Variants in GRID2 observed in about 807,000 individuals in gnomAD.
GRID2 encodes glutamate receptor ionotropic, delta-2.
GRID2 carries 33 observed loss-of-function variants against 114.8 expected under a neutral mutation model. The ratio of observed to expected loss-of-function variants is 0.29; its 90% CI spans 0.22 to 0.38. The LOEUF is 0.38. Ranked by LOEUF, GRID2 falls within the 10% of genes least tolerant of loss-of-function variation. The pLI is 1.00. For synonymous variants in GRID2, 505 were observed against 449.9 expected, an observed-to-expected ratio of 1.12 and a Z score of -1.55; for missense variants, 1,184 against 1,257.7, an observed-to-expected ratio of 0.94 and a Z score of 0.89.
At chr4:93,060,552 A>T (rs1727685189) in intron 2 of GRID2, among the ~76,000 whole-genome samples, 1 of 152,180 alleles carries the variant, frequency 6.6e-6, no homozygotes, top group Non-Finnish European at 1.5e-5. Flanking sequence ...ATTTATGTTA[A>T]CTTGATGATA....
At chr4:92,627,520 A>G (rs937010517) in intron 2 of GRID2, among the ~76,000 whole-genome samples, 2 of 152,118 alleles carry the variant, frequency 1.3e-5, no homozygotes, top group East Asian at 1.9e-4. Context: ...TACATTCTCT[A>G]TAGCCAATTG....
At chr4:92,474,715 T>A (rs1041577951) in intron 1 of GRID2, among the ~76,000 whole-genome samples, 2 of 152,042 alleles carry the variant, frequency 1.3e-5, no homozygotes, top group Admixed American at 6.6e-5. Flanking sequence ...TGAAGTGATA[T>A]CTCATTGTAG....
chr4:93,578,996 G>T (rs1290473064), intron 13 of GRID2, among the ~76,000 whole-genome samples: 1 of 152,126 alleles, frequency 6.6e-6, no homozygotes, highest in African/African-American at 2.4e-5. Flanking sequence ...CTTCGTAGGA[G>T]CATTTCTGGA....
In GRID2 at chr4:93,774,422, T is replaced by G; in HGVS notation, c.*1924T>G. On this transcript the variant is annotated 3_prime_UTR_variant, in exon 16 of 16. Coordinates refer to ENST00000282020, the MANE Select transcript of GRID2 (RefSeq NM_001510.4). ...ACAAACTGTTAACCATGTACAATAT[T>G]TAAAATAGGCTTATTTTGATGTATC... 1 of 152,256 alleles carries G rather than the reference T, an allele frequency of 6.6e-6. No homozygotes were observed. Among genetic ancestry groups the G allele is most frequent in the Middle Eastern group, 3.4e-3 (1 of 294 alleles). 9.4% of individuals were successfully genotyped at this position (152,256 alleles called of 1,614,324 possible).
chr4:93,108,000 T>C (rs1732412704), intron 3 of GRID2, among the ~76,000 whole-genome samples: 1 of 152,202 alleles, frequency 6.6e-6, no homozygotes. Context: ...CAGCTTCATG[T>C]CTCACTAGCT....
intron 8 of GRID2, among the ~76,000 whole-genome samples, chr4:93,328,408 CT>C: frequency 6.6e-6 from 1 of 152,192 alleles, no homozygotes; most frequent in Non-Finnish European, 1.5e-5. Context: ...TTCCCCAGTT[CT>C]TTGATTTTCC....
intron 2 of GRID2, among the ~76,000 whole-genome samples, chr4:92,902,003 GT>G (rs1311013209): frequency 1.3e-5 from 2 of 151,900 alleles, no homozygotes; most frequent in African/African-American, 4.8e-5. Flanking sequence ...CCTGGGCTTT[GT>G]TTGTTTGTTT....
intron 2 of GRID2, among the ~76,000 whole-genome samples, chr4:92,609,609 C>T (rs1729625746): frequency 1.3e-5 from 2 of 149,550 alleles, no homozygotes; most frequent in South Asian, 4.2e-4. Context: ...ACAACAGTTA[C>T]TGGAAATAAT....
chr4:92,331,616 A>G (rs1726893018), intron 1 of GRID2, among the ~76,000 whole-genome samples: 2 of 152,224 alleles, frequency 1.3e-5, no homozygotes, highest in African/African-American at 2.4e-5. Context: ...GAAAACTGGA[A>G]TGACTCAATA....
chr4:92,504,775 G>T (rs547845439), intron 1 of GRID2, among the ~76,000 whole-genome samples: 1 of 151,692 alleles, frequency 6.6e-6, no homozygotes, highest in East Asian at 1.9e-4. Context: ...CATTAAAATC[G>T]TACCTTTTCT....
intron 2 of GRID2, among the ~76,000 whole-genome samples, chr4:92,598,492 G>A (rs568872905): frequency 6.6e-6 from 1 of 151,810 alleles, no homozygotes; most frequent in African/African-American, 2.4e-5. Flanking sequence ...CATTTAGTTC[G>A]GTATGTAAAT....
At chr4:93,423,375 T>C (rs1455234750) in intron 10 of GRID2, among the ~76,000 whole-genome samples, 1 of 116,414 alleles carries the variant, frequency 8.6e-6, no homozygotes, top group Non-Finnish European at 1.6e-5. Context: ...TGAGACAGAG[T>C]CTCACTCTGT....
At chr4:92,521,499 T>A (rs1724776181) in intron 1 of GRID2, among the ~76,000 whole-genome samples, 1 of 151,994 alleles carries the variant, frequency 6.6e-6, no homozygotes, top group South Asian at 2.1e-4. Context: ...TTACTAAACA[T>A]TTAATTCACT....
At position 92,304,178 on chromosome 4, in the gene GRID2, A is replaced by G. The variant is rs1339731496; in HGVS notation, c.-479A>G. The G allele has an allele frequency of 3.5e-5, 6 of 172,970 alleles. No individual in the cohort carries two copies. 10.7% of individuals were successfully genotyped at this position (172,970 alleles called of 1,614,324 possible). ...CACTTAGATTCTGGCAGCGAAGACC[A>G]GTGATTCTCTGCGGGCTGTAGGGGC... On this transcript the variant is annotated 5_prime_UTR_variant, in exon 1 of 16. Transcript: ENST00000282020.
intron 1 of GRID2, among the ~76,000 whole-genome samples, chr4:92,541,873 G>T (rs954954403): frequency 1.5e-4 from 23 of 151,998 alleles, no homozygotes; most frequent in South Asian, 6.2e-4. Context: ...ACAAAATATT[G>T]TGATTTTTTT....
intron 2 of GRID2, among the ~76,000 whole-genome samples, chr4:92,698,319 C>G (rs993526049): frequency 2.6e-5 from 4 of 152,234 alleles, no homozygotes; most frequent in African/African-American, 9.6e-5. Flanking sequence ...AAGCAGCTCT[C>G]TTGATCTGAA....
chr4:92,901,466 T>C (rs1747579532), intron 2 of GRID2, among the ~76,000 whole-genome samples: 1 of 152,198 alleles, frequency 6.6e-6, no homozygotes, highest in Admixed American at 6.5e-5. Flanking sequence ...ATTATAACTT[T>C]TGCTGTGCAG....
At chr4:92,828,100 C>G (rs1002386573) in intron 2 of GRID2, among the ~76,000 whole-genome samples, 2 of 152,016 alleles carry the variant, frequency 1.3e-5, no homozygotes, top group African/African-American at 4.8e-5. Context: ...TATTCCCCTA[C>G]AACTCCTCAA....
chr4:92,990,085 AC>A (rs1754772489), intron 2 of GRID2, among the ~76,000 whole-genome samples: 1 of 152,048 alleles, frequency 6.6e-6, no homozygotes, highest in South Asian at 2.1e-4. Context: ...GATAGCAAAC[AC>A]TTGGAAGTGG....
Sources: gnomAD v4.1 joint callset for allele counts (sites outside exome capture counted in the v4.1 genomes callset) on GRCh38, gnomAD v4.1.1 for gene constraint, MANE v1.5 for transcripts, NCBI Gene and HGNC (gene_info 2026-07-23, HGNC 2026-07-21) for gene names.